Variants in KIF5C observed in about 807,000 individuals in gnomAD.
The protein encoded by KIF5C is kinesin family member 5C.
A neutral mutation model predicts 125.2 loss-of-function variants in KIF5C; 18 were observed. The observed-to-expected ratio is 0.14, with a 90% CI of 0.10 to 0.21. The LOEUF (loss-of-function observed/expected upper bound fraction) is 0.21, where lower values mean the gene tolerates loss of function less well. Ranked by LOEUF, KIF5C falls within the 10% of genes least tolerant of loss-of-function variation. The pLI, the probability that KIF5C is intolerant of heterozygous loss-of-function variation, is 1.00. For missense variants in KIF5C, 780 were observed against 1,183.8 expected, an observed-to-expected ratio of 0.66 and a Z score of 5.01; for synonymous variants, 405 against 434.0, an observed-to-expected ratio of 0.93 and a Z score of 0.83.
At chr2:149,007,678 C>T (rs1368784007) in intron 22 of KIF5C, among the ~76,000 whole-genome samples, 1 of 151,510 alleles carries the variant, frequency 6.6e-6, no homozygotes, top group African/African-American at 2.4e-5. Flanking sequence ...ACATGAAAGG[C>T]AGATGTATAT....
intron 25 of KIF5C, among the ~76,000 whole-genome samples, chr2:149,014,212 A>T (rs1682295062): frequency 6.6e-6 from 1 of 152,168 alleles, no homozygotes; most frequent in Non-Finnish European, 1.5e-5. Context: ...TTTAGTAGAG[A>T]CAGGGTTTCA....
chr2:148,995,939 G>A (rs1371042216), intron 17 of KIF5C, among the ~76,000 whole-genome samples: 2 of 152,016 alleles, frequency 1.3e-5, no homozygotes, highest in South Asian at 2.1e-4. Flanking sequence ...GGCGGATCAC[G>A]AGGTCAGGAG....
rs969769193 is a variant in KIF5C, at chr2:149,023,500, A to C, written c.*430A>C. 1.3e-5 allele frequency: 2 copies of C among 152,518 alleles called. No individual in the cohort carries two copies. The highest frequency in any genetic ancestry group is 4.8e-5 in the African/African-American group (2 of 41,394). The allele number at this position is 152,518 out of a possible 1,614,324, so 9.4% of individuals were successfully genotyped here. A position where few individuals can be genotyped will look rare whatever the true frequency, so the allele number is the denominator to read the frequency against. ...GTCTGGTTTCCTGTAAAATAAACAC[A>C]TTGTTTTATATTTTTAGGGAACAAA... On this transcript the variant is annotated 3_prime_UTR_variant, in exon 26 of 26. Transcript: ENST00000435030.
At chr2:148,895,251 C>A (rs1014538411) in intron 1 of KIF5C, among the ~76,000 whole-genome samples, 2 of 152,200 alleles carry the variant, frequency 1.3e-5, no homozygotes, top group African/African-American at 4.8e-5. Flanking sequence ...GATTCTCATG[C>A]CTCAGCCCCC....
intron 1 of KIF5C, among the ~76,000 whole-genome samples, chr2:148,916,419 C>T (rs1681554225): frequency 6.6e-6 from 1 of 152,180 alleles, no homozygotes; most frequent in African/African-American, 2.4e-5. Context: ...TAAATGGCCC[C>T]TGTGCTCTGT....
In KIF5C at chr2:149,011,604, A is replaced by C. The variant is rs750150578; in HGVS notation, c.2802A>C (p.Ser934=). ...KPIRPGHYPA[S]SPTAVHAIRG... is the part of the protein sequence containing the mutation. ...TCCGCCCCGGACACTACCCGGCCTC[A>C]TCTCCAACGGCCGTCCATGCCATTC... Residue 934 remains serine (S), a synonymous_variant, in exon 25 of 26, where the codon TCA becomes TCC. Coordinates refer to ENST00000435030, the MANE Select transcript of KIF5C (RefSeq NM_004522.3). 6.2e-7 allele frequency: 1 copy of C among 1,614,042 alleles called. No homozygotes were observed. Among genetic ancestry groups the C allele is most frequent in the South Asian group, 1.1e-5 (1 of 91,086 alleles).
intron 1 of KIF5C, among the ~76,000 whole-genome samples, chr2:148,912,724 C>T (rs1350569771): frequency 6.6e-6 from 1 of 152,216 alleles, no homozygotes; most frequent in Non-Finnish European, 1.5e-5. Flanking sequence ...ACTGGGATTA[C>T]AGGTATGAGC....
At chr2:148,963,962 A>C (rs1682988825) in intron 11 of KIF5C, among the ~76,000 whole-genome samples, 1 of 152,168 alleles carries the variant, frequency 6.6e-6, no homozygotes, top group South Asian at 2.1e-4. Flanking sequence ...TTACTTGGAC[A>C]TCATTTTAAC....
chr2:148,990,682 A>G (rs1447298500), intron 15 of KIF5C, among the ~76,000 whole-genome samples: 1 of 152,244 alleles, frequency 6.6e-6, no homozygotes, highest in Non-Finnish European at 1.5e-5. Flanking sequence ...GGTGTAAGAC[A>G]TTGAATGGAA....
intron 10 of KIF5C, among the ~76,000 whole-genome samples, chr2:148,955,080 ATT>A (rs1054405008): frequency 3.3e-5 from 5 of 151,992 alleles, no homozygotes; most frequent in Non-Finnish European, 1.5e-5. Flanking sequence ...CAAAATTTTC[ATT>A]TCTCCCTCCT....
chr2:148,985,085 G>A (rs1681341816), intron 15 of KIF5C, among the ~76,000 whole-genome samples: 1 of 152,146 alleles, frequency 6.6e-6, no homozygotes, highest in African/African-American at 2.4e-5. Context: ...ATACAGGCGT[G>A]AGCCACCACA....
chr2:149,009,683 A>G (rs1486500466), intron 23 of KIF5C, among the ~76,000 whole-genome samples: 1 of 152,228 alleles, frequency 6.6e-6, no homozygotes, highest in East Asian at 1.9e-4. Context: ...CAGTGTAAAC[A>G]GCAGGTTCTG....
At chr2:148,970,507 A>G (rs1225832210) in intron 11 of KIF5C, among the ~76,000 whole-genome samples, 10 of 152,324 alleles carry the variant, frequency 6.6e-5, no homozygotes, top group Non-Finnish European at 1.5e-4. Context: ...TGGGCTTGTG[A>G]TTAATGAGAC....
Position 148,875,648 on chromosome 2 carries a change from G to C in KIF5C, c.31G>C (p.Val11Leu), listed in dbSNP as rs1681160860. Residue 11 changes from valine to leucine, a missense_variant, in exon 1 of 26, where the codon GTG becomes CTG. Physicochemically the swap from Val to Leu is conservative, Grantham distance 32 (BLOSUM62 1). Around this residue, in one of 2 missense-constraint regions of KIF5C, gnomAD observed 207 missense variants for 441.2 expected, o/e 0.47. Coordinates refer to ENST00000435030, the MANE Select transcript of KIF5C (RefSeq NM_004522.3). MADPAECSIKVMCRFRPLNEA... is the reference protein window; with the variant it reads MADPAECSIKLMCRFRPLNEA... Reference sequence around the variant, plus strand: ...GGATCCAGCCGAATGCAGCATCAAAGTGATGTGCCGGTTCCGGCCCCTCAA... The same window carrying C: ...GGATCCAGCCGAATGCAGCATCAAACTGATGTGCCGGTTCCGGCCCCTCAA... 1 of 1,415,440 alleles carries C rather than the reference G, an allele frequency of 7.1e-7. No individual in the cohort carries two copies. The highest frequency in any genetic ancestry group is 1.5e-5 in the African/African-American group (1 of 66,148). 87.7% of individuals were successfully genotyped at this position (1,415,440 alleles called of 1,614,324 possible). A position where few individuals can be genotyped will look rare whatever the true frequency, so the allele number is the denominator to read the frequency against.
At chr2:148,938,525 C>T (rs1307173531) in intron 4 of KIF5C, among the ~76,000 whole-genome samples, 1 of 152,130 alleles carries the variant, frequency 6.6e-6, no homozygotes, top group East Asian at 1.9e-4. Context: ...GGCAACATGG[C>T]AGCTGCTGCT....
chr2:148,875,624 G>GA lies in KIF5C; in HGVS notation c.8dup (p.Asp3GlufsTer32), dbSNP rs1681159983. On this transcript the variant is annotated frameshift_variant, in exon 1 of 26. Coordinates refer to ENST00000435030, the MANE Select transcript of KIF5C (RefSeq NM_004522.3). LOFTEE classifies it high-confidence loss of function. ...CTCCCTACCGCCGGCCGAGATGGCG[G>GA]ATCCAGCCGAATGCAGCATCAAAGT... 7.1e-6 allele frequency: 11 copies of GA among 1,545,982 alleles called. No homozygotes were observed. The highest frequency in any genetic ancestry group is 9.6e-6 in the Non-Finnish European group (11 of 1,145,666).
intron 1 of KIF5C, among the ~76,000 whole-genome samples, chr2:148,904,539 C>T (rs141435509): frequency 6.6e-6 from 1 of 152,294 alleles, no homozygotes; most frequent in African/African-American, 2.4e-5. Flanking sequence ...GGTGGGCAGT[C>T]TCTGACATGT....
In KIF5C at chr2:148,875,575, G is replaced by GCCCCCCCCCCC; in HGVS notation, c.-37_-36insCCCCCCCCCCC. 8 of 699,596 alleles carry GCCCCCCCCCCC rather than the reference G, an allele frequency of 1.1e-5. No homozygotes were observed. Among genetic ancestry groups the GCCCCCCCCCCC allele is most frequent in the African/African-American group, 3.6e-5 (2 of 55,562 alleles). 43.3% of individuals were successfully genotyped at this position (699,596 alleles called of 1,614,324 possible). A position where few individuals can be genotyped will look rare whatever the true frequency, so the allele number is the denominator to read the frequency against. On this transcript the variant is annotated 5_prime_UTR_variant, in exon 1 of 26. Coordinates refer to ENST00000435030, the MANE Select transcript of KIF5C (RefSeq NM_004522.3). ...TCCTCCCTCGTCGTTCCCGGCCCCG[G>GCCCCCCCCCCC]CCCCCCACCCATCCCCGTGCCCCCT...
In KIF5C at chr2:148,946,954, A is replaced by G. The variant is rs766822379; in HGVS notation, c.645A>G (p.Gln215=). 1.7e-5 allele frequency: 28 copies of G among 1,613,328 alleles called. No individual in the cohort carries two copies. The Admixed American group carries it at 4.7e-4, about 27-fold the overall frequency. The change falls in exon 8 of 26, where the codon CAA becomes CAG. Residue 215 remains glutamine (Q), a synonymous_variant. Transcript: ENST00000435030. ...GTATCTTCCTGATAAATATTAAACAAGAGAATGTAGAGACTGAAAAAAAAC... is the reference window on the plus strand; with the variant it reads ...GTATCTTCCTGATAAATATTAAACAGGAGAATGTAGAGACTGAAAAAAAAC... The part of the protein sequence containing the change: ...SHSIFLINIK[Q]ENVETEKKLS...
Sources: allele counts gnomAD v4.1 joint callset (sites outside exome capture counted in the v4.1 genomes callset), GRCh38; gene constraint gnomAD v4.1.1; regional missense constraint gnomAD v4.1.1; transcripts MANE v1.5; gene names NCBI Gene and HGNC (gene_info 2026-07-23, HGNC 2026-07-21).